The following SLC2A4 variants were observed in gnomAD, a reference collection of about 807,000 sequenced individuals.
SLC2A4 encodes solute carrier family 2 member 4.
In SLC2A4, 31 loss-of-function variants were observed where a neutral mutation model predicts 53.3. The observed-to-expected ratio is 0.58, with a 90% CI of 0.44 to 0.78. The LOEUF (loss-of-function observed/expected upper bound fraction) is 0.78, where lower values mean the gene tolerates loss of function less well. SLC2A4 is among the 30% of genes least tolerant of loss of function. SLC2A4 has a pLI of 0.00. For missense variants in SLC2A4, 538 were observed against 655.7 expected, an observed-to-expected ratio of 0.82 and a Z score of 1.96; for synonymous variants, 276 against 281.9, an observed-to-expected ratio of 0.98 and a Z score of 0.21.
rs1196551203 is a variant in SLC2A4 at position 7,285,737 on chromosome 17, T to C, written c.1155T>C (p.Ile385=). The C allele has an allele frequency of 1.9e-6, 3 of 1,614,114 alleles. No individual in the cohort carries two copies. The highest frequency in any genetic ancestry group is 1.1e-5 in the South Asian group (1 of 91,092). ...ERVPAMSYVS[I]VAIFGFVAFF... ...TTCCAGCCATGAGCTACGTCTCCAT[T>C]GTGGCCATCTTTGGCTTCGTGGCAT... The change falls in exon 10 of 11, where the codon ATT becomes ATC. Residue 385 remains isoleucine, a synonymous_variant. Coordinates refer to ENST00000317370, the MANE Select transcript of SLC2A4 (RefSeq NM_001042.3). The surrounding 1 kb of genome is among the most constrained non-coding windows in gnomAD (Gnocchi z 6.0).
At position 7,285,727 on chromosome 17, in the gene SLC2A4, A is replaced by C; in HGVS notation, c.1145A>C (p.Tyr382Ser). The C allele has an allele frequency of 6.2e-7, 1 of 1,614,146 alleles. No homozygotes were observed. The highest frequency in any genetic ancestry group is 1.6e-4 in the Middle Eastern group (1 of 6,062). ...TAGGAGCGAGTTCCAGCCATGAGCT[A>C]CGTCTCCATTGTGGCCATCTTTGGC... The part of the protein sequence containing the change: ...LLLERVPAMS[Y>S]VSIVAIFGFV... Residue 382 changes from tyrosine (Y) to serine (S), a missense_variant, in exon 10 of 11, where the codon TAC (tyrosine) becomes TCC (serine). Coordinates refer to ENST00000317370, the MANE Select transcript of SLC2A4 (RefSeq NM_001042.3). This position sits in a 1 kb window ranked among gnomAD's most constrained non-coding sequence, Gnocchi z 6.0.
At position 7,284,657 on chromosome 17, in the gene SLC2A4, C is replaced by T. The variant is rs1164000469; in HGVS notation, c.900C>T (p.Leu300=). ...IAVVLQLSQQ[L]SGINAVFYYS... is the part of the protein sequence containing the mutation. ...TCGTGCTGCAGCTGAGCCAGCAGCTCTCTGGCATCAATGCTGTATGTGTGG... is the reference window on the plus strand; with the variant it reads ...TCGTGCTGCAGCTGAGCCAGCAGCTTTCTGGCATCAATGCTGTATGTGTGG... Residue 300 remains leucine, a synonymous_variant, in exon 7 of 11, where the codon CTC becomes CTT. Transcript: ENST00000317370. The surrounding 1 kb of genome is among the most constrained non-coding windows in gnomAD (Gnocchi z 7.5). 5.0e-6 allele frequency: 8 copies of T among 1,613,944 alleles called. No homozygotes were observed. Among genetic ancestry groups the T allele is most frequent in the Non-Finnish European group, 4.2e-6 (5 of 1,180,038 alleles).
chr17:7,284,944 C>CTGT lies in SLC2A4; in HGVS notation c.1020+7_1020+8insTTG. The CTGT allele has an allele frequency of 6.2e-7, 1 of 1,614,248 alleles. No homozygotes were observed. The highest frequency in any genetic ancestry group is 8.5e-7 in the Non-Finnish European group (1 of 1,180,034). ...ACAGTCTTCACCTTGGTCTCGGTAA[C>CTGT]TGCTCACCTCTGGAATGGCCCGAGC... On this transcript the variant is annotated splice_donor_region_variant and intron_variant, in intron 8 of 10. Coordinates refer to ENST00000317370, the MANE Select transcript of SLC2A4 (RefSeq NM_001042.3). This position sits in a 1 kb window ranked among gnomAD's most constrained non-coding sequence, Gnocchi z 7.5.
In SLC2A4 at chr17:7,286,886, T is replaced by G; in HGVS notation, c.*257T>G. On this transcript the variant is annotated 3_prime_UTR_variant, in exon 11 of 11. Transcript: ENST00000317370. Reference sequence around the variant, plus strand: ...TGGGCCACTCTCCCCTCCCTCTTCCTTCCCCCATCCCCTTTCCTCCCCACC... The same window carrying G: ...TGGGCCACTCTCCCCTCCCTCTTCCGTCCCCCATCCCCTTTCCTCCCCACC... The G allele has an allele frequency of 8.8e-6, 4 of 453,510 alleles. No homozygotes were observed. Among genetic ancestry groups the G allele is most frequent in the Non-Finnish European group, 1.2e-5 (3 of 244,900 alleles). 28.1% of individuals were successfully genotyped at this position (453,510 alleles called of 1,614,324 possible).
rs548313578 is a variant in SLC2A4 at position 7,281,882 on chromosome 17, G to A, written c.-53G>A. 1 of 1,563,934 alleles carries A rather than the reference G, an allele frequency of 6.4e-7. No homozygotes were observed. Among genetic ancestry groups the A allele is most frequent in the South Asian group, 1.2e-5 (1 of 85,928 alleles). ...TCCAGGCCGGAGTCAGAGACTCCAG[G>A]ATCGGTTCTTTCATCTTCGCCGCCC... On this transcript the variant is annotated 5_prime_UTR_variant, in exon 1 of 11. Transcript: ENST00000317370.
intron 10 of SLC2A4, chr17:7,286,216 G>A (rs1339050563): frequency 3.0e-6 from 2 of 669,784 alleles, no homozygotes; most frequent in South Asian, 3.5e-5. Flanking sequence ...GGATGGTGAA[G>A]AGGGCGAAAA....
Position 7,286,633 on chromosome 17 carries a change from G to C in SLC2A4, c.*4G>C. The C allele has an allele frequency of 6.2e-7, 1 of 1,613,692 alleles. No individual in the cohort carries two copies. Among genetic ancestry groups the C allele is most frequent in the Non-Finnish European group, 8.5e-7 (1 of 1,179,734 alleles). On this transcript the variant is annotated 3_prime_UTR_variant, in exon 11 of 11. Transcript: ENST00000317370. ...AGGGCCAGATGAGAACGACTGAGGGGCCAGGCAGGGGTGGGAGAGCCAGCT... is the reference window on the plus strand; with the variant it reads ...AGGGCCAGATGAGAACGACTGAGGGCCCAGGCAGGGGTGGGAGAGCCAGCT...
At position 7,282,309 on chromosome 17, in the gene SLC2A4, C is replaced by A. The variant is rs2072409121; in HGVS notation, c.33+342C>A. On this transcript the variant is annotated intron_variant, in intron 1 of 10. Transcript: ENST00000317370. The surrounding 1 kb of genome is among the most constrained non-coding windows in gnomAD (Gnocchi z 4.1). ...AGCAGATCCAGGCGGGTCTTGCCCT[C>A]CGGGAGCTGTCCGTCCGTCTTCGCT... 1 of 523,744 alleles carries A rather than the reference C, an allele frequency of 1.9e-6. No homozygotes were observed. The highest frequency in any genetic ancestry group is 4.9e-5 in the East Asian group (1 of 20,422). 32.4% of individuals were successfully genotyped at this position (523,744 alleles called of 1,614,324 possible). A position where few individuals can be genotyped will look rare whatever the true frequency, so the allele number is the denominator to read the frequency against.
In SLC2A4 at chr17:7,283,850, G is replaced by A; in HGVS notation, c.436G>A (p.Gly146Ser). 1 of 1,614,142 alleles carries A rather than the reference G, an allele frequency of 6.2e-7. No homozygotes were observed. The highest frequency in any genetic ancestry group is 8.5e-7 in the Non-Finnish European group (1 of 1,180,016). Reference sequence around the variant, plus strand: ...GCTCATCCTTGGACGATTCCTCATTGGCGCCTACTCAGGTACTCACGGGCA... The same window carrying A: ...GCTCATCCTTGGACGATTCCTCATTAGCGCCTACTCAGGTACTCACGGGCA... ...EMLILGRFLI[G>S]AYSGLTSGLV... Residue 146 changes from glycine to serine, a missense_variant, in exon 4 of 11, where the codon GGC becomes AGC. By Grantham distance (56) the Gly-to-Ser change is moderately conservative. Transcript: ENST00000317370. This position sits in a 1 kb window ranked among gnomAD's most constrained non-coding sequence, Gnocchi z 5.8.
rs1391569437 is a variant in SLC2A4, at chr17:7,284,897, C to T, written c.978C>T (p.Thr326=). The T allele has an allele frequency of 6.2e-7, 1 of 1,614,202 alleles. No individual in the cohort carries two copies. Among genetic ancestry groups the T allele is most frequent in the Non-Finnish European group, 8.5e-7 (1 of 1,180,012 alleles). ...GGGTAGGCCAGCCTGCCTATGCCAC[C>T]ATAGGAGCTGGTGTGGTCAACACAG... The part of the protein sequence containing the change: ...TAGVGQPAYA[T]IGAGVVNTVF... The change falls in exon 8 of 11, where the codon ACC becomes ACT. Residue 326 remains threonine (T), a synonymous_variant. Transcript: ENST00000317370. This position sits in a 1 kb window ranked among gnomAD's most constrained non-coding sequence, Gnocchi z 7.5.
rs1317617408 is a variant in SLC2A4, at chr17:7,282,378, AC to A, written c.33+416del. On this transcript the variant is annotated intron_variant, in intron 1 of 10. Coordinates refer to ENST00000317370, the MANE Select transcript of SLC2A4 (RefSeq NM_001042.3). This position sits in a 1 kb window ranked among gnomAD's most constrained non-coding sequence, Gnocchi z 4.1. ...GACCGGAGGCTCTCCGTGGGCCCCC[AC>A]CCCCACTCCTGGCCGCCCTCCAGGA... 2.2e-6 allele frequency: 1 copy of A among 464,090 alleles called. No homozygotes were observed. The highest frequency in any genetic ancestry group is 2.3e-5 in the Admixed American group (1 of 42,678). 28.7% of individuals were successfully genotyped at this position (464,090 alleles called of 1,614,324 possible).
chr17:7,282,445 G>A lies in SLC2A4; in HGVS notation c.33+478G>A. Reference sequence around the variant, plus strand: ...TGGCCCCATGGTTGGTGGAGGGGCAGAGGGGACTGTCAGCCCCCCCTCCTC... The same window carrying A: ...TGGCCCCATGGTTGGTGGAGGGGCAAAGGGGACTGTCAGCCCCCCCTCCTC... On this transcript the variant is annotated intron_variant, in intron 1 of 10. Coordinates refer to ENST00000317370, the MANE Select transcript of SLC2A4 (RefSeq NM_001042.3). This position sits in a 1 kb window ranked among gnomAD's most constrained non-coding sequence, Gnocchi z 4.1. The A allele has an allele frequency of 4.4e-6, 2 of 456,364 alleles. No homozygotes were observed. The highest frequency in any genetic ancestry group is 8.8e-6 in the Non-Finnish European group (2 of 227,038). The allele number at this position is 456,364 out of a possible 1,614,324, so 28.3% of individuals were successfully genotyped here. A position where few individuals can be genotyped will look rare whatever the true frequency, so the allele number is the denominator to read the frequency against.
chr17:7,286,880 TCTTC>T lies in SLC2A4; in HGVS notation c.*257_*260del. The T allele has an allele frequency of 2.1e-6, 1 of 485,512 alleles. No individual in the cohort carries two copies. The highest frequency in any genetic ancestry group is 3.8e-6 in the Non-Finnish European group (1 of 264,452). The allele number at this position is 485,512 out of a possible 1,614,324, so 30.1% of individuals were successfully genotyped here. On this transcript the variant is annotated 3_prime_UTR_variant, in exon 11 of 11. Coordinates refer to ENST00000317370, the MANE Select transcript of SLC2A4 (RefSeq NM_001042.3). ...TCAGGGTGGGCCACTCTCCCCTCCC[TCTTC>T]CTTCCCCCATCCCCTTTCCTCCCCA...
Position 7,283,836 on chromosome 17 carries a change from G to T in SLC2A4, c.422G>T (p.Gly141Val), listed in dbSNP as rs369328286. Reference protein sequence around the residue: ...AAASYEMLILGRFLIGAYSGL... With the variant: ...AAASYEMLILVRFLIGAYSGL... ...GCCTCCTATGAAATGCTCATCCTTG[G>T]ACGATTCCTCATTGGCGCCTACTCA... Residue 141 changes from glycine to valine, a missense_variant, in exon 4 of 11, where the codon GGA (glycine) becomes GTA (valine). Physicochemically the swap from Gly to Val is moderately radical, Grantham distance 109 (BLOSUM62 -3). Transcript: ENST00000317370. The surrounding 1 kb of genome is among the most constrained non-coding windows in gnomAD (Gnocchi z 5.8). 6.2e-7 allele frequency: 1 copy of T among 1,614,126 alleles called. No homozygotes were observed.
chr17:7,283,202 T>G lies in SLC2A4; in HGVS notation c.34-43T>G. The G allele has an allele frequency of 6.5e-7, 1 of 1,535,456 alleles. No individual in the cohort carries two copies. On this transcript the variant is annotated intron_variant, in intron 1 of 10. Coordinates refer to ENST00000317370, the MANE Select transcript of SLC2A4 (RefSeq NM_001042.3). This position sits in a 1 kb window ranked among gnomAD's most constrained non-coding sequence, Gnocchi z 5.8. ...GCCCCTAGCGGAAGGAAAAAAATCA[T>G]GGTTCCATGTGACATGCTGTGTCTT...
chr17:7,285,051 C>G lies in SLC2A4; in HGVS notation c.1021-37C>G. The G allele has an allele frequency of 6.2e-7, 1 of 1,610,292 alleles. No individual in the cohort carries two copies. The highest frequency in any genetic ancestry group is 1.1e-5 in the South Asian group (1 of 90,854). On this transcript the variant is annotated intron_variant, in intron 8 of 10. Coordinates refer to ENST00000317370, the MANE Select transcript of SLC2A4 (RefSeq NM_001042.3). The surrounding 1 kb of genome is among the most constrained non-coding windows in gnomAD (Gnocchi z 6.0). ...ACGCGGCCCCTCCTACTTCCCGTGC[C>G]CAAAAGGCTGGGGTCAAGCTCCGAC...
In SLC2A4 at chr17:7,286,551, C is replaced by A. The variant is rs1419076062; in HGVS notation, c.1452C>A (p.His484Gln). The A allele has an allele frequency of 1.2e-6, 2 of 1,614,072 alleles. No individual in the cohort carries two copies. The highest frequency in any genetic ancestry group is 2.7e-5 in the African/African-American group (2 of 74,914). ...RTFDQISAAFHRTPSLLEQEV... is the reference protein window; with the variant it reads ...RTFDQISAAFQRTPSLLEQEV... ...TTGACCAGATCTCAGCTGCCTTCCA[C>A]CGGACACCCTCTCTTTTAGAGCAGG... The change falls in exon 11 of 11, where the codon CAC becomes CAA. Residue 484 changes from histidine to glutamine, a missense_variant. Physicochemically the swap from His to Gln is conservative, Grantham distance 24. Transcript: ENST00000317370.
chr17:7,283,884 C>T lies in SLC2A4; in HGVS notation c.448+22C>T. ...TCAGGTACTCACGGGCACCACAGCC[C>T]TGCCTAGCGCCCTGTTCTCTTTCAC... is the stretch of plus-strand genomic sequence containing the variant. On this transcript the variant is annotated intron_variant, in intron 4 of 10. Coordinates refer to ENST00000317370, the MANE Select transcript of SLC2A4 (RefSeq NM_001042.3). This position sits in a 1 kb window ranked among gnomAD's most constrained non-coding sequence, Gnocchi z 5.8. The T allele has an allele frequency of 6.2e-7, 1 of 1,614,174 alleles. No homozygotes were observed. Among genetic ancestry groups the T allele is most frequent in the South Asian group, 1.1e-5 (1 of 91,088 alleles).
In SLC2A4 at chr17:7,281,982, G is replaced by T. The variant is rs1567601188; in HGVS notation, c.33+15G>T. On this transcript the variant is annotated intron_variant, in intron 1 of 10. Coordinates refer to ENST00000317370, the MANE Select transcript of SLC2A4 (RefSeq NM_001042.3). ...TAGGCTCCGAAGTAGGATTCATCAT[G>T]AGGGGGCGGGGCGGGGGGGCACGGG... The T allele has an allele frequency of 1.9e-6, 3 of 1,582,652 alleles. No homozygotes were observed. The African/African-American group carries it at 4.0e-5, about 21-fold the overall frequency.
Sources: allele counts gnomAD v4.1 joint callset, GRCh38; gene constraint gnomAD v4.1.1; non-coding constraint Gnocchi (gnomAD v3.1); transcripts MANE v1.5; gene names NCBI Gene and HGNC (gene_info 2026-07-23, HGNC 2026-07-21).